GRM3: variants seen among roughly 807,000 people sequenced by gnomAD.
GRM3 encodes metabotropic glutamate receptor 3.
A neutral mutation model predicts 70.5 loss-of-function variants in GRM3; 26 were observed. The ratio of observed to expected loss-of-function variants is 0.37; its 90% CI spans 0.27 to 0.51. GRM3 has a LOEUF of 0.51. GRM3 is among the 20% of genes least tolerant of loss of function. The pLI, the probability that GRM3 is intolerant of heterozygous loss-of-function variation, is 0.93. For missense variants in GRM3, 859 were observed against 1,123.8 expected, an observed-to-expected ratio of 0.76 and a Z score of 3.37; for synonymous variants, 443 against 434.9, an observed-to-expected ratio of 1.02 and a Z score of -0.23.
intron 1 of GRM3, among the ~76,000 whole-genome samples, chr7:86,654,033 T>G (rs962449458): frequency 1.3e-5 from 2 of 152,190 alleles, no homozygotes; most frequent in African/African-American, 4.8e-5. Context: ...TTTGGCAACT[T>G]ACACATTCTT....
chr7:86,782,486 T>C (rs1205327489), intron 2 of GRM3, among the ~76,000 whole-genome samples: 1 of 152,150 alleles, frequency 6.6e-6, no homozygotes, highest in Admixed American at 6.5e-5. Flanking sequence ...GAACCAACTT[T>C]CCCATTTGAT....
intron 3 of GRM3, among the ~76,000 whole-genome samples, chr7:86,792,410 C>T (rs755748072): frequency 6.6e-6 from 1 of 152,146 alleles, no homozygotes; most frequent in Non-Finnish European, 1.5e-5. Context: ...AGCATAACTG[C>T]CAGAAGTGCC....
intron 4 of GRM3, among the ~76,000 whole-genome samples, chr7:86,845,566 A>T (rs1249050224): frequency 6.6e-6 from 1 of 152,028 alleles, no homozygotes; most frequent in African/African-American, 2.4e-5. Context: ...CCCTCTCTGA[A>T]GTTCCTCAGC....
intron 2 of GRM3, among the ~76,000 whole-genome samples, chr7:86,783,388 A>G (rs1170112810): frequency 6.6e-6 from 1 of 152,206 alleles, no homozygotes; most frequent in East Asian, 1.9e-4. Context: ...TTTCACCCAC[A>G]CATTCTAACC....
At chr7:86,797,760 C>G (rs1797583993) in intron 3 of GRM3, among the ~76,000 whole-genome samples, 1 of 152,152 alleles carries the variant, frequency 6.6e-6, no homozygotes, top group South Asian at 2.1e-4. Flanking sequence ...ATGTCAGAGA[C>G]CTTCACAGAA....
At chr7:86,813,671 G>T (rs542947377) in intron 3 of GRM3, among the ~76,000 whole-genome samples, 8 of 151,818 alleles carry the variant, frequency 5.3e-5, no homozygotes, top group African/African-American at 1.9e-4. Flanking sequence ...GCCACACATT[G>T]GTTCCTATTA....
At chr7:86,752,539 G>C (rs74678688) in intron 1 of GRM3, among the ~76,000 whole-genome samples, 2 of 152,166 alleles carry the variant, frequency 1.3e-5, no homozygotes, top group East Asian at 3.9e-4. Context: ...TCTGTGTTGG[G>C]AGATTCCTAC....
chr7:86,787,994 G>A (rs71562732), intron 3 of GRM3, among the ~76,000 whole-genome samples: 1,549 of 152,330 alleles, frequency 0.01, 19 homozygotes, highest in Middle Eastern at 0.034. Context: ...GTTCTGGGTA[G>A]TATAGCTTAA....
intron 1 of GRM3, among the ~76,000 whole-genome samples, chr7:86,737,883 G>A (rs1021160838): frequency 6.6e-6 from 1 of 152,096 alleles, no homozygotes; most frequent in South Asian, 2.1e-4. Context: ...CAGACAAGAA[G>A]GATAAATACT....
chr7:86,716,698 T>C (rs1445546252), intron 1 of GRM3, among the ~76,000 whole-genome samples: 2 of 143,722 alleles, frequency 1.4e-5, no homozygotes, highest in Non-Finnish European at 3.1e-5. Context: ...AAAAAAAAAA[T>C]AGTTTCTGCT....
chr7:86,854,528 GAAT>G (rs770802157), intron 5 of GRM3, among the ~76,000 whole-genome samples: 12 of 144,536 alleles, frequency 8.3e-5, no homozygotes, highest in Non-Finnish European at 9.1e-5. Flanking sequence ...GTAGAAGTAA[GAAT>G]AATAAATGAC....
chr7:86,680,023 C>T (rs1243857819), intron 1 of GRM3, among the ~76,000 whole-genome samples: 1 of 152,088 alleles, frequency 6.6e-6, no homozygotes, highest in Non-Finnish European at 1.5e-5. Context: ...TTGTCCTTCA[C>T]TAATTGAAAT....
intron 5 of GRM3, among the ~76,000 whole-genome samples, chr7:86,855,580 G>A (rs1296287400): frequency 1.3e-5 from 2 of 152,194 alleles, no homozygotes; most frequent in South Asian, 4.1e-4. Flanking sequence ...ACTTGTCTAG[G>A]TGGTAATGTG....
Position 86,864,560 on chromosome 7 carries a change from C to G in GRM3, c.*205C>G, listed in dbSNP as rs867312296. The stretch of plus-strand genomic sequence containing the variant: ...TAGTGCCCCTATTATTAACAATTCC[C>G]CCAGAACATGGAAATAACCATTGTT... On this transcript the variant is annotated 3_prime_UTR_variant, in exon 6 of 6. Transcript: ENST00000361669. The G allele has an allele frequency of 4.1e-6, 2 of 490,460 alleles. No homozygotes were observed. Among genetic ancestry groups the G allele is most frequent in the Admixed American group, 3.1e-5 (1 of 31,852 alleles). The allele number at this position is 490,460 out of a possible 1,614,324, so 30.4% of individuals were successfully genotyped here. A position where few individuals can be genotyped will look rare whatever the true frequency, so the allele number is the denominator to read the frequency against.
At chr7:86,645,984 CGGGGGGGTGGGGGTGGGGGGGTGGGG>C (rs1793453630) in intron 1 of GRM3, among the ~76,000 whole-genome samples, 1 of 12,762 alleles carries the variant, frequency 7.8e-5, no homozygotes, top group Non-Finnish European at 1.6e-4. Context: ...TTGTGGTGGG[CGGGGGGGTGGGGGTGGGGGGGTGGGG>C]GGGGGTGGGA....
At chr7:86,675,704 A>G (rs1187522398) in intron 1 of GRM3, among the ~76,000 whole-genome samples, 1 of 152,048 alleles carries the variant, frequency 6.6e-6, no homozygotes, top group Non-Finnish European at 1.5e-5. Context: ...TGTCTTCCCC[A>G]TTTTCTAGGC....
intron 1 of GRM3, among the ~76,000 whole-genome samples, chr7:86,731,364 A>T (rs1250502742): frequency 6.6e-6 from 1 of 152,166 alleles, no homozygotes; most frequent in East Asian, 1.9e-4. Flanking sequence ...TTACCAAATT[A>T]TCTTGTTCCT....
chr7:86,728,898 C>T (rs961103813), intron 1 of GRM3, among the ~76,000 whole-genome samples: 13 of 152,122 alleles, frequency 8.5e-5, no homozygotes, highest in African/African-American at 3.1e-4. Context: ...TCCAGAGAAA[C>T]TTAATTCCTT....
At chr7:86,705,504 T>C (rs1330392385) in intron 1 of GRM3, among the ~76,000 whole-genome samples, 1 of 152,026 alleles carries the variant, frequency 6.6e-6, no homozygotes, top group African/African-American at 2.4e-5. Flanking sequence ...ACTAGCTGCA[T>C]GGTTTAAGTC....
Sources: allele counts gnomAD v4.1 joint callset (sites outside exome capture counted in the v4.1 genomes callset), GRCh38; gene constraint gnomAD v4.1.1; transcripts MANE v1.5; gene names NCBI Gene and HGNC (gene_info 2026-07-23, HGNC 2026-07-21).